The following LRBA variants were observed in gnomAD, a reference collection of about 807,000 sequenced individuals.
The protein encoded by LRBA is lipopolysaccharide-responsive and beige-like anchor protein.
LRBA carries 176 observed loss-of-function variants against 330.0 expected under a neutral mutation model. That is an observed-to-expected ratio of 0.53 (90% CI 0.47 to 0.60). LRBA has a LOEUF of 0.60. Ranked by LOEUF, LRBA falls within the 20% of genes least tolerant of loss-of-function variation. The pLI, the probability that LRBA is intolerant of heterozygous loss-of-function variation, is 0.00. For missense variants in LRBA, 3,259 were observed against 3,444.8 expected (o/e 0.95, Z 1.35); for synonymous variants, 1,230 against 1,193.0 (o/e 1.03, Z -0.64).
chr4:150,974,581 C>T (rs1397201386), intron 2 of LRBA, among the ~76,000 whole-genome samples: 1 of 152,174 alleles, frequency 6.6e-6, no homozygotes, highest in Non-Finnish European at 1.5e-5. Flanking sequence ...ACTATATCTA[C>T]CATTGCAATA....
intron 33 of LRBA, among the ~76,000 whole-genome samples, chr4:150,805,536 AAG>A (rs1742597940): frequency 2.4e-5 from 3 of 124,578 alleles, no homozygotes; most frequent in African/African-American, 3.4e-5. Flanking sequence ...AAAGGAAAGG[AAG>A]GGAGAAGGAA....
chr4:150,602,811 T>C (rs1774254368), intron 37 of LRBA, among the ~76,000 whole-genome samples: 1 of 152,214 alleles, frequency 6.6e-6, no homozygotes, highest in Admixed American at 6.5e-5. Flanking sequence ...TAAAAGATTA[T>C]ACATTTTTGT....
At chr4:150,464,869 C>CT (rs1184659479) in intron 44 of LRBA, among the ~76,000 whole-genome samples, 3 of 151,630 alleles carry the variant, frequency 2.0e-5, no homozygotes, top group Non-Finnish European at 4.4e-5. Flanking sequence ...AGTTTGCTAA[C>CT]TTTTTTTTTC....
At chr4:150,457,005 T>C (rs2152041211) in intron 44 of LRBA, among the ~76,000 whole-genome samples, 1 of 152,210 alleles carries the variant, frequency 6.6e-6, no homozygotes, top group East Asian at 1.9e-4. Flanking sequence ...TAAAATCTTT[T>C]CTTTTTAAAG....
intron 44 of LRBA, among the ~76,000 whole-genome samples, chr4:150,454,244 C>T (rs912602891): frequency 1.1e-4 from 16 of 152,050 alleles, no homozygotes; most frequent in Admixed American, 5.2e-4. Context: ...CAGGCGTGAG[C>T]CACCACAACC....
rs910829381 is a variant in LRBA at position 150,731,515 on chromosome 4, ATTATG to A, written c.5754+3738_5754+3742del. Among the ~76,000 whole-genome samples, 41 of 152,356 alleles carry A rather than the reference ATTATG, an allele frequency of 2.7e-4. 1 individual carries two copies. The highest frequency in any genetic ancestry group is 9.1e-4 in the African/African-American group (38 of 41,592). ...AACAACATGGATGAAAATGGAGATC[ATTATG>A]TTAAGTGAAATAAGCTATGCGCAGA... On this transcript the variant is annotated intron_variant, in intron 36 of 56. Coordinates refer to ENST00000651943, the MANE Select transcript of LRBA (RefSeq NM_001364905.1).
intron 42 of LRBA, 119 bp from the exon 43 acceptor site, chr4:150,471,858 C>A (rs1437072419): frequency 3.2e-6 from 2 of 621,328 alleles, no homozygotes; most frequent in Non-Finnish European, 5.7e-6. Flanking sequence ...TCATGTTAGA[C>A]TAATGAATAC....
In LRBA at chr4:150,590,853, T is replaced by C. The variant is rs891747847; in HGVS notation, c.6053A>G (p.Asp2018Gly). 9.3e-6 allele frequency: 15 copies of C among 1,613,654 alleles called. No homozygotes were observed. Among genetic ancestry groups the C allele is most frequent in the African/African-American group, 4.0e-5 (3 of 74,912 alleles). The change falls in exon 39 of 57, where the codon GAT becomes GGT. Residue 2018 changes from aspartate to glycine, a missense_variant. Transcript: ENST00000651943. ...TTTTCCTTTAGCAAGGATATCTTCA[T>C]CTGTGGCTGAAATGAAAAGGAAACA... ...TLKTAVEHAT[D>G]EDILAKGKQS...
intron 36 of LRBA, among the ~76,000 whole-genome samples, chr4:150,717,255 G>A (rs1470763): frequency 0.7 from 107,019 of 151,962 alleles, 42,685 homozygotes; most frequent in Non-Finnish European, 0.9. Context: ...AAAAACAAGT[G>A]GTACTATAGA....
intron 47 of LRBA, among the ~76,000 whole-genome samples, chr4:150,362,114 T>C (rs1275011889): frequency 6.6e-6 from 1 of 152,106 alleles, no homozygotes; most frequent in Non-Finnish European, 1.5e-5. Context: ...AACTCAAAAT[T>C]AATATATCAA....
chr4:150,339,280 T>C (rs954812540), intron 48 of LRBA, among the ~76,000 whole-genome samples: 3 of 152,136 alleles, frequency 2.0e-5, no homozygotes, highest in Non-Finnish European at 2.9e-5. Context: ...AGTTAAGAAA[T>C]TGTAAATTCC....
At chr4:150,939,839 G>A (rs1735474752) in intron 2 of LRBA, among the ~76,000 whole-genome samples, 1 of 152,174 alleles carries the variant, frequency 6.6e-6, no homozygotes, top group African/African-American at 2.4e-5. Flanking sequence ...ATAATGGAAA[G>A]GAGGTGAGGG....
At chr4:150,464,553 T>C (rs1357631126) in intron 44 of LRBA, among the ~76,000 whole-genome samples, 1 of 152,092 alleles carries the variant, frequency 6.6e-6, no homozygotes, top group African/African-American at 2.4e-5. Flanking sequence ...CTTCCTTTTC[T>C]TTTCAATTTT....
chr4:150,865,346 C>T (rs950103271), intron 22 of LRBA, among the ~76,000 whole-genome samples: 2 of 152,116 alleles, frequency 1.3e-5, no homozygotes, highest in African/African-American at 4.8e-5. Context: ...GGGGCCATGT[C>T]GTTGATGTAA....
At chr4:150,358,565 T>C (rs17026840) in intron 47 of LRBA, among the ~76,000 whole-genome samples, 4,788 of 152,204 alleles carry the variant, frequency 0.031, 242 homozygotes, top group African/African-American at 0.11. Flanking sequence ...CCTAGAAACT[T>C]AATGTTGAGG....
chr4:151,014,270 C>G (rs556954323), intron 2 of LRBA, 157 bp downstream of exon 2: 16 of 593,558 alleles, frequency 2.7e-5, no homozygotes, highest in African/African-American at 2.6e-4. Context: ...ATCTAAAAAA[C>G]AGATGAAATT....
At chr4:150,387,142 T>G (rs1743201881) in intron 47 of LRBA, among the ~76,000 whole-genome samples, 1 of 152,130 alleles carries the variant, frequency 6.6e-6, no homozygotes, top group Admixed American at 6.6e-5. Context: ...TCCTTGTAGA[T>G]GCTAAATATT....
intron 36 of LRBA, among the ~76,000 whole-genome samples, chr4:150,728,276 T>A (rs1729970471): frequency 6.6e-6 from 1 of 152,050 alleles, no homozygotes; most frequent in Non-Finnish European, 1.5e-5. Context: ...TACCAAACAT[T>A]TTAAGAACTA....
At chr4:150,381,875 C>T (rs751524564) in intron 47 of LRBA, among the ~76,000 whole-genome samples, 1 of 152,128 alleles carries the variant, frequency 6.6e-6, no homozygotes, top group Non-Finnish European at 1.5e-5. Context: ...TGGTATCTCA[C>T]GTGAGGTGGT....
Sources: gnomAD v4.1 joint callset for allele counts (sites outside exome capture counted in the v4.1 genomes callset) on GRCh38, gnomAD v4.1.1 for gene constraint, MANE v1.5 for transcripts, NCBI Gene and HGNC (gene_info 2026-07-23, HGNC 2026-07-21) for gene names.